Variants in IL26 observed in about 807,000 individuals in gnomAD.
IL26 encodes the protein interleukin 26.
In IL26, 23 loss-of-function variants were observed where a neutral mutation model predicts 21.7. The ratio of observed to expected loss-of-function variants is 1.06; its 90% CI spans 0.76 to 1.50. The LOEUF (loss-of-function observed/expected upper bound fraction) is 1.50. IL26 is among the 40% of genes most tolerant of loss of function. The pLI is 0.00. For missense variants in IL26, 204 were observed against 196.0 expected, an observed-to-expected ratio of 1.04 and a Z score of -0.24; for synonymous variants, 63 against 67.8, an observed-to-expected ratio of 0.93 and a Z score of 0.34.
intron 3 of IL26, among the ~76,000 whole-genome samples, chr12:68,223,814 G>A (rs1869132462): frequency 2.7e-5 from 4 of 149,588 alleles, no homozygotes; most frequent in African/African-American, 4.9e-5. Context: ...AAAAAAACAT[G>A]CAATCCAAAC....
At chr12:68,216,007 T>A (rs1216476148) in intron 3 of IL26, among the ~76,000 whole-genome samples, 2 of 148,194 alleles carry the variant, frequency 1.3e-5, no homozygotes, top group East Asian at 4.3e-4. Flanking sequence ...ATTAAACTAC[T>A]GCTGGCCAGG....
intron 3 of IL26, among the ~76,000 whole-genome samples, chr12:68,218,589 CA>C (rs1868958666): frequency 6.6e-6 from 1 of 151,902 alleles, no homozygotes; most frequent in Non-Finnish European, 1.5e-5. Flanking sequence ...GGGACAACTA[CA>C]AATGGGCTAA....
chr12:68,222,803 C>A (rs11570990), intron 3 of IL26, among the ~76,000 whole-genome samples: 1 of 152,110 alleles, frequency 6.6e-6, no homozygotes, highest in Non-Finnish European at 1.5e-5. Flanking sequence ...CTCAATAGTA[C>A]GGACGGCAGG....
chr12:68,214,482 C>A (rs1353043989), intron 3 of IL26, among the ~76,000 whole-genome samples: 2 of 152,166 alleles, frequency 1.3e-5, no homozygotes, highest in Non-Finnish European at 2.9e-5. Context: ...CCCTTTAGAT[C>A]TATTAATGCT....
At chr12:68,221,292 T>A (rs1446516435) in intron 3 of IL26, among the ~76,000 whole-genome samples, 2 of 151,540 alleles carry the variant, frequency 1.3e-5, no homozygotes. Context: ...AAAGGAGGAA[T>A]GGGGTGGGAG....
intron 3 of IL26, among the ~76,000 whole-genome samples, chr12:68,204,689 A>C (rs1223922496): frequency 7.7e-6 from 1 of 130,030 alleles, no homozygotes; most frequent in Non-Finnish European, 1.6e-5. Flanking sequence ...TGTTCAATTA[A>C]AAAAAAAAAC....
chr12:68,204,937 A>G (rs965847929), intron 3 of IL26, among the ~76,000 whole-genome samples: 6 of 152,100 alleles, frequency 3.9e-5, no homozygotes, highest in Non-Finnish European at 8.8e-5. Context: ...CCTTTTCTTT[A>G]TATTTTTGAG....
intron 3 of IL26, among the ~76,000 whole-genome samples, chr12:68,223,623 A>G (rs1014956801): frequency 5.3e-5 from 8 of 152,178 alleles, no homozygotes; most frequent in African/African-American, 1.9e-4. Flanking sequence ...CTTAAATTTA[A>G]GAGACTATTT....
intron 3 of IL26, among the ~76,000 whole-genome samples, chr12:68,218,748 A>T (rs943217343): frequency 1.3e-5 from 2 of 152,020 alleles, no homozygotes; most frequent in Admixed American, 6.6e-5. Context: ...AAGCACAAGA[A>T]GCCTGAAGAA....
At chr12:68,209,899 A>G (rs1041741183) in intron 3 of IL26, among the ~76,000 whole-genome samples, 1 of 152,032 alleles carries the variant, frequency 6.6e-6, no homozygotes, top group Non-Finnish European at 1.5e-5. Context: ...ATTAGATTAT[A>G]CTCTATCATA....
At chr12:68,212,201 T>C (rs557112739) in intron 3 of IL26, among the ~76,000 whole-genome samples, 1 of 152,238 alleles carries the variant, frequency 6.6e-6, no homozygotes, top group South Asian at 2.1e-4. Context: ...AATGTATGGA[T>C]TTATTTCTGG....
At chr12:68,222,791 A>G (rs1869091746) in intron 3 of IL26, among the ~76,000 whole-genome samples, 1 of 152,080 alleles carries the variant, frequency 6.6e-6, no homozygotes, top group Admixed American at 6.6e-5. Context: ...TCCCACAACA[A>G]CCTCAATAGT....
chr12:68,215,065 G>A (rs375481999), intron 3 of IL26, among the ~76,000 whole-genome samples: 85 of 152,062 alleles, frequency 5.6e-4, no homozygotes, highest in African/African-American at 1.8e-3. Flanking sequence ...TAAATATAAC[G>A]AGTTATTTCA....
rs117699756 is a variant in IL26, at chr12:68,209,777, A to G, written c.364-7694T>C. On this transcript the variant is annotated intron_variant, in intron 3 of 4. Transcript: ENST00000229134. ...CACCAATAATTTGAGGAAAGGAGAT[A>G]GTGGGTTATGAGTCGACAGCTACAT... is the stretch of plus-strand genomic sequence containing the variant. Among the ~76,000 whole-genome samples, 597 of 152,286 alleles carry G rather than the reference A, an allele frequency of 3.9e-3. 1 individual carries two copies. Among genetic ancestry groups the G allele is most frequent in the Non-Finnish European group, 5.3e-3 (358 of 68,030 alleles).
At chr12:68,219,700 AAATG>A (rs1260621978) in intron 3 of IL26, among the ~76,000 whole-genome samples, 2 of 151,902 alleles carry the variant, frequency 1.3e-5, no homozygotes, top group African/African-American at 4.8e-5. Flanking sequence ...TAATAGAAGA[AAATG>A]AATAATAATG....
At chr12:68,217,153 T>G (rs1236311588) in intron 3 of IL26, among the ~76,000 whole-genome samples, 1 of 152,328 alleles carries the variant, frequency 6.6e-6, no homozygotes, top group African/African-American at 2.4e-5. Flanking sequence ...GAAAATATAT[T>G]TTATTAGGTG....
At chr12:68,203,853 GAC>G (rs1362725575) in intron 3 of IL26, among the ~76,000 whole-genome samples, 1 of 152,150 alleles carries the variant, frequency 6.6e-6, no homozygotes, top group African/African-American at 2.4e-5. Flanking sequence ...AGGGGCTGCA[GAC>G]ACAGACTGCT....
At chr12:68,204,060 C>T (rs1321297937) in intron 3 of IL26, among the ~76,000 whole-genome samples, 2 of 151,838 alleles carry the variant, frequency 1.3e-5, no homozygotes, top group African/African-American at 4.8e-5. Flanking sequence ...CTCAGTAAAA[C>T]TTCATCCTAA....
chr12:68,221,922 A>T (rs1340143030), intron 3 of IL26, among the ~76,000 whole-genome samples: 2 of 152,252 alleles, frequency 1.3e-5, no homozygotes, highest in Non-Finnish European at 2.9e-5. Flanking sequence ...GGAATAATTT[A>T]GTACTTTGCT....
Sources: allele counts gnomAD v4.1 joint callset (sites outside exome capture counted in the v4.1 genomes callset), GRCh38; gene constraint gnomAD v4.1.1; transcripts MANE v1.5; gene names NCBI Gene and HGNC (gene_info 2026-07-23, HGNC 2026-07-21).